Variants in RAI14 observed in about 807,000 individuals in gnomAD.
RAI14 encodes retinoic acid induced 14, also known as ankycorbin.
In RAI14, 45 loss-of-function variants were observed where a neutral mutation model predicts 115.4. That is an observed-to-expected ratio of 0.39 (90% CI 0.31 to 0.50). RAI14 has a LOEUF of 0.50. RAI14 is among the 20% of genes least tolerant of loss of function. The probability of loss-of-function intolerance (pLI) is 0.85; values close to 1 mark genes in which losing one functional copy is unlikely to be tolerated. For synonymous variants in RAI14, 371 were observed against 415.4 expected (o/e 0.89, Z 1.30); for missense variants, 939 against 1,131.2 (o/e 0.83, Z 2.44).
intron 5 of RAI14, 46 bp downstream of exon 5, chr5:34,803,822 T>A: frequency 6.6e-7 from 1 of 1,524,938 alleles, no homozygotes; most frequent in African/African-American, 1.4e-5. Flanking sequence ...GGTTTTACAA[T>A]TTGAAAGTAA....
intron 2 of RAI14, chr5:34,688,375 AT>A: frequency 1.1e-6 from 1 of 942,904 alleles, no homozygotes; most frequent in Non-Finnish European, 1.6e-6. Context: ...GGTTAAGATT[AT>A]TTTTAGCAAA....
At chr5:34,739,404 A>G (rs896590385) in intron 2 of RAI14, among the ~76,000 whole-genome samples, 4 of 152,170 alleles carry the variant, frequency 2.6e-5, no homozygotes, top group African/African-American at 9.7e-5. Context: ...AAAAGGCGGG[A>G]CTGAGATTAG....
intron 3 of RAI14, among the ~76,000 whole-genome samples, chr5:34,781,121 CA>C (rs922750353): frequency 6.9e-6 from 1 of 144,856 alleles, no homozygotes; most frequent in African/African-American, 2.6e-5. Context: ...ATCACAAGGA[CA>C]AAAAAAACCA....
At position 34,824,123 on chromosome 5, in the gene RAI14, A is replaced by G; in HGVS notation, c.2281A>G (p.Lys761Glu). 1 of 1,614,042 alleles carries G rather than the reference A, an allele frequency of 6.2e-7. No individual in the cohort carries two copies. Among genetic ancestry groups the G allele is most frequent in the Non-Finnish European group, 8.5e-7 (1 of 1,179,890 alleles). ...CAATCTTAAGGAACACCTTGCAAGC[A>G]AGGAAGTGGAAGTAGCAAAGCTGGA... ...ISNLKEHLAS[K>E]EVEVAKLEKQ... The change falls in exon 15 of 18, where the codon AAG becomes GAG. Residue 761 changes from lysine (K) to glutamate (E), a missense_variant. Lys to Glu is a moderately conservative substitution (Grantham distance 56). Transcript: ENST00000265109.
intron 2 of RAI14, among the ~76,000 whole-genome samples, chr5:34,697,843 A>G (rs1158067385): frequency 2.0e-5 from 3 of 152,134 alleles, no homozygotes; most frequent in Admixed American, 1.3e-4. Flanking sequence ...CTGACTCTCA[A>G]ATTTTAGGCC....
At chr5:34,744,664 A>G (rs1303329862) in intron 2 of RAI14, among the ~76,000 whole-genome samples, 2 of 152,222 alleles carry the variant, frequency 1.3e-5, no homozygotes, top group African/African-American at 4.8e-5. Flanking sequence ...TTTAGGCAAG[A>G]TGCTTATATT....
chr5:34,764,279 A>G (rs1749057935), intron 3 of RAI14, among the ~76,000 whole-genome samples: 1 of 152,202 alleles, frequency 6.6e-6, no homozygotes, highest in South Asian at 2.1e-4. Context: ...CTTGGCTCCC[A>G]TTAGAATCAC....
intron 10 of RAI14, 60 bp from the exon 11 acceptor site, chr5:34,813,514 G>T: frequency 8.3e-7 from 1 of 1,200,104 alleles, no homozygotes; most frequent in South Asian, 1.3e-5. Context: ...AAAGCTACTT[G>T]CCCAGACTTT....
In RAI14 at chr5:34,686,861, T is replaced by C; in HGVS notation, c.-48-11T>C. ...TGGAAACCTACATATGTCCTTTTTT[T>C]CTCTGCTTAGGTGTTGAAAAGTCTC... is the stretch of plus-strand genomic sequence containing the variant. On this transcript the variant is annotated splice_polypyrimidine_tract_variant and intron_variant, in intron 1 of 17. Coordinates refer to ENST00000265109, the MANE Select transcript of RAI14 (RefSeq NM_015577.3). 9.0e-6 allele frequency: 14 copies of C among 1,555,412 alleles called. No homozygotes were observed. The highest frequency in any genetic ancestry group is 1.2e-5 in the Non-Finnish European group (14 of 1,129,846).
rs117851210 is a variant in RAI14 at position 34,682,190 on chromosome 5, T to C, written c.-48-4682T>C. 3.0e-3 allele frequency among the ~76,000 whole-genome samples: 457 copies of C among 152,194 alleles called. 18 individuals are homozygous for C. The East Asian group carries it at 0.069, about 23-fold the overall frequency. On this transcript the variant is annotated intron_variant, in intron 1 of 17. Transcript: ENST00000265109. ...TTTCTTAATCCTAAAGAGTGGAGAA[T>C]GTAATAGAGATTATTAAGCTTTTAA...
chr5:34,720,702 G>A (rs774087306), intron 2 of RAI14, among the ~76,000 whole-genome samples: 16 of 151,874 alleles, frequency 1.1e-4, no homozygotes, highest in South Asian at 4.1e-4. Flanking sequence ...GAGCCACCGC[G>A]CCCGGCAGAT....
intron 2 of RAI14, among the ~76,000 whole-genome samples, chr5:34,707,843 T>C (rs1740892504): frequency 6.6e-6 from 1 of 152,206 alleles, no homozygotes; most frequent in African/African-American, 2.4e-5. Context: ...TTTTTTCACA[T>C]TTCCTTAAGC....
intron 4 of RAI14, among the ~76,000 whole-genome samples, chr5:34,798,099 G>A (rs556047860): frequency 1.1e-3 from 169 of 152,202 alleles, no homozygotes; most frequent in African/African-American, 3.9e-3. Context: ...GCACTGGCAC[G>A]ATCTCTGCTC....
chr5:34,802,365 G>A (rs1431098966), intron 4 of RAI14, among the ~76,000 whole-genome samples: 1 of 152,156 alleles, frequency 6.6e-6, no homozygotes, highest in Non-Finnish European at 1.5e-5. Flanking sequence ...ACTTGGATGG[G>A]AGAAAGTGCT....
intron 2 of RAI14, among the ~76,000 whole-genome samples, chr5:34,725,993 A>T (rs1448159502): frequency 1.3e-5 from 2 of 151,026 alleles, no homozygotes; most frequent in Admixed American, 6.6e-5. Flanking sequence ...CAAATACATT[A>T]CAATTTTAAA....
chr5:34,688,040 A>C, intron 2 of RAI14: 1 of 1,408,534 alleles, frequency 7.1e-7, no homozygotes, highest in Non-Finnish European at 9.4e-7. Context: ...GTTATGAAAA[A>C]AGTTGATCTT....
intron 2 of RAI14, among the ~76,000 whole-genome samples, chr5:34,718,148 A>G (rs775631805): frequency 7.2e-5 from 11 of 152,210 alleles, no homozygotes; most frequent in Non-Finnish European, 1.5e-4. Flanking sequence ...AACAACAGCT[A>G]GCAAATTAGT....
chr5:34,752,504 T>TGCGGCC (rs1561311570), intron 2 of RAI14, among the ~76,000 whole-genome samples: 7 of 151,538 alleles, frequency 4.6e-5, no homozygotes, highest in Non-Finnish European at 8.8e-5. Context: ...AGCGAGTGGA[T>TGCGGCC]GGCCCCCAGG....
Position 34,707,703 on chromosome 5 carries a change from G to A in RAI14, c.36+20748G>A, listed in dbSNP as rs190181770. On this transcript the variant is annotated intron_variant, in intron 2 of 17. Transcript: ENST00000265109. ...TGTATTCAAGTCTCCCCAGTACCTC[G>A]TCAAAATTTATCATCTTCTACTCTT... 6.6e-5 allele frequency among the ~76,000 whole-genome samples: 10 copies of A among 152,278 alleles called. No homozygotes were observed. In the East Asian group the frequency reaches 1.9e-3, roughly 29 times the overall value.
Sources: allele counts gnomAD v4.1 joint callset (sites outside exome capture counted in the v4.1 genomes callset), GRCh38; gene constraint gnomAD v4.1.1; transcripts MANE v1.5; gene names NCBI Gene and HGNC (gene_info 2026-07-23, HGNC 2026-07-21).